IPO7: variants seen among roughly 807,000 people sequenced by gnomAD.
The protein encoded by IPO7 is importin 7.
In IPO7, 13 loss-of-function variants were observed where a neutral mutation model predicts 136.4. The ratio of observed to expected loss-of-function variants is 0.10; its 90% CI spans 0.06 to 0.15. The LOEUF is 0.15. Ranked by LOEUF, IPO7 falls within the 10% of genes least tolerant of loss-of-function variation. IPO7 has a pLI of 1.00. For synonymous variants in IPO7, 403 were observed against 404.4 expected (o/e 1.00, Z 0.04); for missense variants, 857 against 1,240.6 (o/e 0.69, Z 4.65).
chr11:9,423,470 G>A (rs780776155), intron 9 of IPO7, among the ~76,000 whole-genome samples: 12 of 152,114 alleles, frequency 7.9e-5, no homozygotes, highest in Non-Finnish European at 1.6e-4. Context: ...TAGTATAAAT[G>A]ACTTACCTGC....
In IPO7 at chr11:9,445,125, A is replaced by G. The variant is rs759253106; in HGVS notation, c.3048A>G (p.Gly1016=). The G allele has an allele frequency of 1.9e-6, 3 of 1,611,990 alleles. No homozygotes were observed. In the Admixed American group the frequency reaches 5.0e-5, roughly 27 times the overall value. The change falls in exon 25 of 25, where the codon GGA becomes GGG. Residue 1016 remains glycine, a synonymous_variant. Coordinates refer to ENST00000379719, the MANE Select transcript of IPO7 (RefSeq NM_006391.3). The part of the protein sequence containing the change: ...HESKMIEKHG[G]YKFSAPVVPS... The stretch of plus-strand genomic sequence containing the variant: ...CCAAAATGATTGAGAAGCATGGAGG[A>G]TACAAATTCAGTGCTCCAGTTGTGC...
intron 1 of IPO7, among the ~76,000 whole-genome samples, chr11:9,393,952 G>A (rs1048604227): frequency 2.0e-5 from 3 of 151,446 alleles, no homozygotes; most frequent in South Asian, 2.1e-4. Flanking sequence ...GTGCTATCTC[G>A]GCTCACTGCA....
At chr11:9,436,099 C>A (rs1364907317) in intron 19 of IPO7, among the ~76,000 whole-genome samples, 172 bp from the exon 20 acceptor site, 1 of 152,150 alleles carries the variant, frequency 6.6e-6, no homozygotes, top group Non-Finnish European at 1.5e-5. Context: ...TCACAGCTAT[C>A]CAGATCCTTT....
intron 4 of IPO7, among the ~76,000 whole-genome samples, chr11:9,411,817 T>C (rs796756018): frequency 3.3e-5 from 5 of 152,290 alleles, no homozygotes; most frequent in African/African-American, 1.2e-4. Context: ...TACCATAATT[T>C]TTTACTCATT....
Position 9,425,266 on chromosome 11 carries a change from T to C in IPO7, c.1335+4T>C. ...TTTAGCTGAAATACTTCTGAAGGTA[T>C]TCTTTAGTGTGTTTGTATGTGCATG... is the stretch of plus-strand genomic sequence containing the variant. On this transcript the variant is annotated splice_donor_region_variant and intron_variant, in intron 12 of 24. Coordinates refer to ENST00000379719, the MANE Select transcript of IPO7 (RefSeq NM_006391.3). 1 of 1,499,220 alleles carries C rather than the reference T, an allele frequency of 6.7e-7. No homozygotes were observed. Among genetic ancestry groups the C allele is most frequent in the Non-Finnish European group, 9.3e-7 (1 of 1,075,884 alleles). 92.9% of individuals were successfully genotyped at this position (1,499,220 alleles called of 1,614,324 possible).
rs189616575 is a variant in IPO7 at position 9,408,230 on chromosome 11, C to A, written c.167-256C>A. On this transcript the variant is annotated intron_variant, in intron 2 of 24. Transcript: ENST00000379719. ...AAAGTGTTGTGACGTTAAAAAAAAA[C>A]AGTTTTCTCTGGGGTTGTTTATTTG... Among the ~76,000 whole-genome samples the A allele has an allele frequency of 2.6e-3, 395 of 152,016 alleles. 2 individuals are homozygous for A. The highest frequency in any genetic ancestry group is 9.1e-3 in the African/African-American group (379 of 41,490).
intron 2 of IPO7, among the ~76,000 whole-genome samples, chr11:9,403,723 G>A (rs1392572179): frequency 3.9e-5 from 6 of 152,126 alleles, no homozygotes; most frequent in Non-Finnish European, 7.4e-5. Flanking sequence ...CGTTTTAACA[G>A]TTTAAAAAGT....
chr11:9,392,320 G>A lies in IPO7; in HGVS notation c.84+7473G>A, dbSNP rs1012027621. ...AGCCTCTTGAGTAGCTGGGATTACAGGTATGCATTACCACGTCCGGCTAAT... is the reference window on the plus strand; with the variant it reads ...AGCCTCTTGAGTAGCTGGGATTACAAGTATGCATTACCACGTCCGGCTAAT... On this transcript the variant is annotated intron_variant, in intron 1 of 24. Transcript: ENST00000379719. 7 of 301,006 alleles carry A rather than the reference G, an allele frequency of 2.3e-5. No individual in the cohort carries two copies. The East Asian group carries it at 7.3e-4, about 31-fold the overall frequency. The allele number at this position is 301,006 out of a possible 1,614,324, so 18.6% of individuals were successfully genotyped here. A position where few individuals can be genotyped will look rare whatever the true frequency, so the allele number is the denominator to read the frequency against.
chr11:9,389,654 C>T (rs896275871), intron 1 of IPO7, among the ~76,000 whole-genome samples: 3 of 152,132 alleles, frequency 2.0e-5, no homozygotes, highest in African/African-American at 7.2e-5. Flanking sequence ...CTGTTATATT[C>T]GCAGTCAAGA....
chr11:9,438,227 T>C lies in IPO7; in HGVS notation c.2637T>C (p.His879=), dbSNP rs533249283. The C allele has an allele frequency of 1.9e-6, 3 of 1,612,492 alleles. No homozygotes were observed. The African/African-American group carries it at 4.0e-5, about 22-fold the overall frequency. The change falls in exon 22 of 25, where the codon CAT becomes CAC. Residue 879 remains histidine, a synonymous_variant. Coordinates refer to ENST00000379719, the MANE Select transcript of IPO7 (RefSeq NM_006391.3). ...GATTGAAAAGAGCATATGCCTGCCATGCAGAACATGAGAATGACAGTGATG... is the reference window on the plus strand; with the variant it reads ...GATTGAAAAGAGCATATGCCTGCCACGCAGAACATGAGAATGACAGTGATG... ...FNGLKRAYAC[H]AEHENDSDDD... is the part of the protein sequence containing the mutation.
In IPO7 at chr11:9,404,741, A is replaced by AT. The variant is rs539035204; in HGVS notation, c.166+1376dup. Among the ~76,000 whole-genome samples, 87 of 151,058 alleles carry AT rather than the reference A, an allele frequency of 5.8e-4. No homozygotes were observed. The South Asian group carries it at 0.013, about 23-fold the overall frequency. On this transcript the variant is annotated intron_variant, in intron 2 of 24. Coordinates refer to ENST00000379719, the MANE Select transcript of IPO7 (RefSeq NM_006391.3). ...CCACCACACCCGGCTAATTTTTTGTATTTTTTAGTAGAGACGGGGTTTCAC... is the reference window on the plus strand; with the variant it reads ...CCACCACACCCGGCTAATTTTTTGTATTTTTTTAGTAGAGACGGGGTTTCAC...
At chr11:9,443,226 T>G (rs1855482395) in intron 24 of IPO7, among the ~76,000 whole-genome samples, 1 of 151,128 alleles carries the variant, frequency 6.6e-6, no homozygotes, top group Non-Finnish European at 1.5e-5. Context: ...AAAAGTACAG[T>G]TGAAGACTAC....
chr11:9,434,647 AT>A (rs1356621406), intron 18 of IPO7, among the ~76,000 whole-genome samples: 1 of 152,174 alleles, frequency 6.6e-6, no homozygotes, highest in African/African-American at 2.4e-5. Context: ...TTAAAAATTA[AT>A]CAGGCGAGGT....
At chr11:9,407,968 A>G (rs1443134587) in intron 2 of IPO7, among the ~76,000 whole-genome samples, 2 of 152,268 alleles carry the variant, frequency 1.3e-5, no homozygotes, top group African/African-American at 4.8e-5. Context: ...TGAACACAGT[A>G]AATTCTCCCA....
chr11:9,410,114 G>A (rs758777485), intron 4 of IPO7, 28 bp downstream of exon 4: 2 of 1,429,428 alleles, frequency 1.4e-6, no homozygotes, highest in Non-Finnish European at 1.8e-6. Context: ...CTCCTATAGA[G>A]CTTTGAGAAG....
At chr11:9,419,556 A>AT (rs1488413236) in intron 6 of IPO7, among the ~76,000 whole-genome samples, 38 of 133,646 alleles carry the variant, frequency 2.8e-4, no homozygotes, top group African/African-American at 9.7e-4. Context: ...AAAAAAAAAA[A>AT]AAAATATATA....
intron 4 of IPO7, among the ~76,000 whole-genome samples, chr11:9,413,853 T>C: frequency 6.6e-6 from 1 of 151,972 alleles, no homozygotes; most frequent in East Asian, 1.9e-4. Flanking sequence ...TCATTATGCC[T>C]CCTCATCTAT....
intron 5 of IPO7, among the ~76,000 whole-genome samples, chr11:9,415,322 C>CA (rs879548507): frequency 5.4e-4 from 71 of 131,208 alleles, no homozygotes; most frequent in East Asian, 1.4e-3. Flanking sequence ...AACTCTGTCT[C>CA]AAAAAAAAAA....
At chr11:9,422,278 CAAAT>C (rs1052368823) in intron 8 of IPO7, among the ~76,000 whole-genome samples, 33 of 151,782 alleles carry the variant, frequency 2.2e-4, no homozygotes, top group South Asian at 6.2e-4. Flanking sequence ...AATAAATAAA[CAAAT>C]AAATAAATAA....
Sources: gnomAD v4.1 joint callset for allele counts (sites outside exome capture counted in the v4.1 genomes callset) on GRCh38, gnomAD v4.1.1 for gene constraint, MANE v1.5 for transcripts, NCBI Gene and HGNC (gene_info 2026-07-23, HGNC 2026-07-21) for gene names.